KIF26B: variants seen among roughly 807,000 people sequenced by gnomAD.
KIF26B encodes the protein kinesin-like protein KIF26B.
A neutral mutation model predicts 151.2 loss-of-function variants in KIF26B; 63 were observed. The ratio of observed to expected loss-of-function variants is 0.42; its 90% CI spans 0.34 to 0.51. The LOEUF (loss-of-function observed/expected upper bound fraction) is 0.51, where lower values mean the gene tolerates loss of function less well. KIF26B is among the 20% of genes least tolerant of loss of function. KIF26B has a pLI of 0.07. For synonymous variants in KIF26B, 1,357 were observed against 1,262.1 expected (o/e 1.08, Z -1.59); for missense variants, 2,813 against 2,913.6 (o/e 0.97, Z 0.79).
At chr1:245,548,309 G>A (rs1661795499) in intron 5 of KIF26B, among the ~76,000 whole-genome samples, 1 of 152,112 alleles carries the variant, frequency 6.6e-6, no homozygotes, top group Non-Finnish European at 1.5e-5. Context: ...TATACAGTCC[G>A]TGTGAAGTCT....
intron 10 of KIF26B, among the ~76,000 whole-genome samples, chr1:245,670,011 G>A (rs2044263469): frequency 6.6e-6 from 1 of 152,042 alleles, no homozygotes; most frequent in Admixed American, 6.6e-5. Flanking sequence ...GGATTAAAAC[G>A]CTACATTTTG....
At chr1:245,502,591 A>C (rs1178616428) in intron 4 of KIF26B, among the ~76,000 whole-genome samples, 1 of 151,702 alleles carries the variant, frequency 6.6e-6, no homozygotes, top group Non-Finnish European at 1.5e-5. Context: ...AACCATGACT[A>C]GTTTAGACTG....
At chr1:245,194,716 T>C (rs1011540685) in intron 2 of KIF26B, among the ~76,000 whole-genome samples, 1 of 152,230 alleles carries the variant, frequency 6.6e-6, no homozygotes, top group African/African-American at 2.4e-5. Flanking sequence ...AGCCTGTTAG[T>C]GTTAACCATG....
rs958286132 is a variant in KIF26B, at chr1:245,698,083, T to G, written c.5825-23T>G. On this transcript the variant is annotated intron_variant, in intron 12 of 14. Coordinates refer to ENST00000407071, the MANE Select transcript of KIF26B (RefSeq NM_018012.4). The surrounding 1 kb of genome is among the most constrained non-coding windows in gnomAD (Gnocchi z 4.0). ...AATTGAAATTCAGAAAGACTAACTC[T>G]CTGGGCTTATCCCCCTCCTCAGGTT... is the stretch of plus-strand genomic sequence containing the variant. 22 of 1,601,430 alleles carry G rather than the reference T, an allele frequency of 1.4e-5. No homozygotes were observed.
At chr1:245,628,766 G>A (rs1715812) in intron 9 of KIF26B, among the ~76,000 whole-genome samples, 82,715 of 152,032 alleles carry the variant, frequency 0.54, 23,141 homozygotes, top group East Asian at 0.77. Flanking sequence ...TCAGACAAGA[G>A]GAAGAAATAA....
At chr1:245,425,680 C>T (rs182828798) in intron 4 of KIF26B, among the ~76,000 whole-genome samples, 137 of 152,350 alleles carry the variant, frequency 9.0e-4, no homozygotes, top group Non-Finnish European at 8.2e-4. Context: ...GCTGGGATTA[C>T]AGGCGTGAGC....
chr1:245,162,510 C>A (rs577141134), intron 2 of KIF26B, among the ~76,000 whole-genome samples: 6 of 150,324 alleles, frequency 4.0e-5, no homozygotes, highest in African/African-American at 9.8e-5. Flanking sequence ...CTCAGCCTCC[C>A]GAGTAGCTGG....
intron 2 of KIF26B, among the ~76,000 whole-genome samples, chr1:245,302,258 G>A (rs2102978004): frequency 6.6e-6 from 1 of 152,306 alleles, no homozygotes; most frequent in Admixed American, 6.5e-5. Flanking sequence ...GTACGAGTCA[G>A]AAAAATCTAA....
intron 4 of KIF26B, among the ~76,000 whole-genome samples, chr1:245,454,220 T>C (rs1659461849): frequency 6.6e-6 from 1 of 152,248 alleles, no homozygotes; most frequent in Admixed American, 6.5e-5. Context: ...TTCCCTTTTG[T>C]CATTCTTGCC....
chr1:245,682,939 T>A (rs1157893890), intron 10 of KIF26B, among the ~76,000 whole-genome samples: 2 of 152,118 alleles, frequency 1.3e-5, no homozygotes, highest in Non-Finnish European at 2.9e-5. Flanking sequence ...CTATATCCCT[T>A]ACCTCGCCAC....
rs1246992029 is a variant in KIF26B, at chr1:245,204,391, T to G, written c.465+47708T>G. ...TGTAAGATCTCTCTTTTTTTTTTTT[T>G]GAGATGGAGTCTTGCTCTGCCACCC... On this transcript the variant is annotated intron_variant, in intron 2 of 14. Transcript: ENST00000407071. 7.6e-5 allele frequency among the ~76,000 whole-genome samples: 11 copies of G among 145,270 alleles called. No homozygotes were observed. In the South Asian group the frequency reaches 2.2e-3, roughly 29 times the overall value.
intron 4 of KIF26B, among the ~76,000 whole-genome samples, chr1:245,450,450 G>A (rs1572067768): frequency 6.6e-6 from 1 of 152,206 alleles, no homozygotes; most frequent in Non-Finnish European, 1.5e-5. Context: ...TAATTAGATG[G>A]GAAAGATGAT....
chr1:245,193,196 T>C (rs1168216807), intron 2 of KIF26B, among the ~76,000 whole-genome samples: 2 of 152,214 alleles, frequency 1.3e-5, no homozygotes, highest in Non-Finnish European at 2.9e-5. Context: ...TCCAGCCCCA[T>C]CCATGTTGCT....
chr1:245,185,261 C>T (rs1668979811), intron 2 of KIF26B, among the ~76,000 whole-genome samples: 1 of 152,010 alleles, frequency 6.6e-6, no homozygotes, highest in South Asian at 2.1e-4. Context: ...GCCTCAGCCT[C>T]CCGGGTAGCT....
intron 2 of KIF26B, among the ~76,000 whole-genome samples, chr1:245,261,090 G>A (rs1558365758): frequency 7.7e-6 from 1 of 129,730 alleles, no homozygotes; most frequent in Non-Finnish European, 1.6e-5. Flanking sequence ...CTCTCTCCCT[G>A]CTTCCTTCCT....
At chr1:245,387,550 A>G (rs1457351444) in intron 3 of KIF26B, among the ~76,000 whole-genome samples, 1 of 152,134 alleles carries the variant, frequency 6.6e-6, no homozygotes, top group Non-Finnish European at 1.5e-5. Flanking sequence ...CAAATTAGCC[A>G]GGCATGGTGG....
intron 5 of KIF26B, among the ~76,000 whole-genome samples, chr1:245,579,003 T>A (rs2043150234): frequency 6.6e-6 from 1 of 152,214 alleles, no homozygotes; most frequent in Admixed American, 6.5e-5. Flanking sequence ...CTAGAAACTG[T>A]GGTTTTTATC....
At chr1:245,609,162 C>T in intron 7 of KIF26B, 104 bp from the exon 8 acceptor site, 2 of 1,102,348 alleles carry the variant, frequency 1.8e-6, no homozygotes, top group Non-Finnish European at 2.5e-6. Context: ...CTTTTCCCCC[C>T]TTCCCTGTGC....
intron 2 of KIF26B, among the ~76,000 whole-genome samples, chr1:245,356,112 G>A (rs140229017): frequency 9.8e-5 from 15 of 152,298 alleles, no homozygotes; most frequent in African/African-American, 2.9e-4. Flanking sequence ...CGCAGGGGGC[G>A]TGGTGAGGTC....
Sources: allele counts gnomAD v4.1 joint callset (sites outside exome capture counted in the v4.1 genomes callset), GRCh38; gene constraint gnomAD v4.1.1; non-coding constraint Gnocchi (gnomAD v3.1); transcripts MANE v1.5; gene names NCBI Gene and HGNC (gene_info 2026-07-23, HGNC 2026-07-21).